Variants in KLHDC3 observed in about 807,000 individuals in gnomAD.
The protein encoded by KLHDC3 is kelch domain containing 3.
A neutral mutation model predicts 44.1 loss-of-function variants in KLHDC3; 5 were observed. The observed-to-expected ratio is 0.11, with a 90% CI of 0.06 to 0.24. The LOEUF is 0.24. Among genes scored for constraint, KLHDC3 ranks in the 10% least tolerant of loss-of-function variants. KLHDC3 has a pLI of 1.00. For synonymous variants in KLHDC3, 170 were observed against 189.0 expected (o/e 0.90, Z 0.82); for missense variants, 247 against 514.3 (o/e 0.48, Z 5.03).
In KLHDC3 at chr6:43,017,493, A is replaced by G. The variant is rs748190022; in HGVS notation, c.155-26A>G. ...GTGGACAGCCTGGAGGGAGGTTCCC[A>G]GGGCTGAGCAGAGCTGTGCCCACAG... On this transcript the variant is annotated intron_variant, in intron 2 of 10. Coordinates refer to ENST00000326974, the MANE Select transcript of KLHDC3 (RefSeq NM_057161.4). The surrounding 1 kb of genome is among the most constrained non-coding windows in gnomAD (Gnocchi z 6.0). The G allele has an allele frequency of 6.4e-7, 1 of 1,570,956 alleles. No homozygotes were observed. The highest frequency in any genetic ancestry group is 8.7e-7 in the Non-Finnish European group (1 of 1,155,116).
chr6:43,015,579 G>T (rs886747690), intron 1 of KLHDC3, among the ~76,000 whole-genome samples: 2 of 152,166 alleles, frequency 1.3e-5, no homozygotes, highest in African/African-American at 4.8e-5. Flanking sequence ...GCTGGGCATG[G>T]TGGCTCACGC....
chr6:43,017,876 C>G lies in KLHDC3; in HGVS notation c.355C>G (p.Arg119Gly). The part of the protein sequence containing the change: ...DVNTHKWFTP[R>G]VSGTVPGARD... Reference sequence around the variant, plus strand: ...AGATACGCACAAGTGGTTCACACCCCGAGTGTCAGGGACAGTTCCTGGGGC... The same window carrying G: ...AGATACGCACAAGTGGTTCACACCCGGAGTGTCAGGGACAGTTCCTGGGGC... Residue 119 changes from arginine to glycine, a missense_variant, in exon 4 of 11, where the codon CGA becomes GGA. Around this residue, in one of 2 missense-constraint regions of KLHDC3, gnomAD observed 176 missense variants for 413.5 expected, o/e 0.43. Transcript: ENST00000326974. The surrounding 1 kb of genome is among the most constrained non-coding windows in gnomAD (Gnocchi z 6.0). The G allele has an allele frequency of 6.2e-7, 1 of 1,613,892 alleles. No individual in the cohort carries two copies. Among genetic ancestry groups the G allele is most frequent in the Non-Finnish European group, 8.5e-7 (1 of 1,179,912 alleles).
intron 1 of KLHDC3, among the ~76,000 whole-genome samples, chr6:43,015,378 C>G (rs1243385018): frequency 6.6e-6 from 1 of 152,176 alleles, no homozygotes; most frequent in African/African-American, 2.4e-5. Context: ...GTTTTAGTGC[C>G]TGAGGTTTTG....
At position 43,018,002 on chromosome 6, in the gene KLHDC3, G is replaced by A. The variant is rs756012719; in HGVS notation, c.447+34G>A. ...GGGAATAAAATAAGAGGTTTAGGGT[G>A]GGACTGAGAAAGAGGGGAAGGGCAA... On this transcript the variant is annotated intron_variant, in intron 4 of 10. Coordinates refer to ENST00000326974, the MANE Select transcript of KLHDC3 (RefSeq NM_057161.4). The surrounding 1 kb of genome is among the most constrained non-coding windows in gnomAD (Gnocchi z 6.0). 2 of 1,570,602 alleles carry A rather than the reference G, an allele frequency of 1.3e-6. No individual in the cohort carries two copies. Among genetic ancestry groups the A allele is most frequent in the Admixed American group, 3.3e-5 (2 of 59,956 alleles).
rs751266474 is a variant in KLHDC3 at position 43,018,414 on chromosome 6, C to T, written c.591C>T (p.Gly197=). 6.2e-7 allele frequency: 1 copy of T among 1,614,144 alleles called. No homozygotes were observed. The highest frequency in any genetic ancestry group is 8.5e-7 in the Non-Finnish European group (1 of 1,180,030). ...MLGSHMYVFG[G]RADRFGPFHS... Reference sequence around the variant, plus strand: ...GAAGTCACATGTATGTCTTTGGGGGCCGTGCCGACCGCTTTGGGCCATTCC... The same window carrying T: ...GAAGTCACATGTATGTCTTTGGGGGTCGTGCCGACCGCTTTGGGCCATTCC... The change falls in exon 6 of 11, where the codon GGC becomes GGT. Residue 197 remains glycine (G), a synonymous_variant. Transcript: ENST00000326974. This position sits in a 1 kb window ranked among gnomAD's most constrained non-coding sequence, Gnocchi z 6.0.
chr6:43,018,870 T>C lies in KLHDC3; in HGVS notation c.828T>C (p.Phe276=). The change falls in exon 8 of 11, where the codon TTT becomes TTC. Residue 276 remains phenylalanine (F), a synonymous_variant. Transcript: ENST00000326974. This position sits in a 1 kb window ranked among gnomAD's most constrained non-coding sequence, Gnocchi z 6.0. ...ATATAAATTTCTCTTCAGTGTCCTT[T>C]ACCTGGAAAAAGATTGAACCGAAGG... ...HDLWKFNPVS[F]TWKKIEPKGK... 2 of 1,609,730 alleles carry C rather than the reference T, an allele frequency of 1.2e-6. No homozygotes were observed. The highest frequency in any genetic ancestry group is 2.2e-5 in the South Asian group (2 of 90,706).
At chr6:43,015,548 G>A (rs1204003226) in intron 1 of KLHDC3, among the ~76,000 whole-genome samples, 1 of 152,138 alleles carries the variant, frequency 6.6e-6, no homozygotes, top group African/African-American at 2.4e-5. Context: ...TTGACAGGTT[G>A]TGTTTAAGAG....
Position 43,017,245 on chromosome 6 carries a change from C to T in KLHDC3, c.53C>T (p.Ala18Val). The T allele has an allele frequency of 6.2e-7, 1 of 1,614,184 alleles. No homozygotes were observed. The highest frequency in any genetic ancestry group is 8.5e-7 in the Non-Finnish European group (1 of 1,180,018). ...GGCGGGCCCCGCAGGGTGAACCATG[C>T]TGCAGTGGCTGTCGGGCATCGGGTA... ...LEGGPRRVNH[A>V]AVAVGHRVYS... The change falls in exon 2 of 11, where the codon GCT becomes GTT. Residue 18 changes from alanine to valine, a missense_variant. Transcript: ENST00000326974. This position sits in a 1 kb window ranked among gnomAD's most constrained non-coding sequence, Gnocchi z 6.0.
chr6:43,015,018 T>C (rs1283970449), intron 1 of KLHDC3, among the ~76,000 whole-genome samples: 1 of 152,168 alleles, frequency 6.6e-6, no homozygotes, highest in Non-Finnish European at 1.5e-5. Flanking sequence ...GCAGAGAAAC[T>C]AAAATTTTTT....
At position 43,018,332 on chromosome 6, in the gene KLHDC3, C is replaced by T. The variant is rs754087367; in HGVS notation, c.520-11C>T. The T allele has an allele frequency of 5.0e-6, 8 of 1,611,762 alleles. No individual in the cohort carries two copies. The highest frequency in any genetic ancestry group is 5.1e-6 in the Non-Finnish European group (6 of 1,178,598). ...TGCTGACCCCTCCACCATCTCTCTGCCTCTGCCCAGGGCAGCCCTGCACGC... is the reference window on the plus strand; with the variant it reads ...TGCTGACCCCTCCACCATCTCTCTGTCTCTGCCCAGGGCAGCCCTGCACGC... On this transcript the variant is annotated splice_polypyrimidine_tract_variant and intron_variant, in intron 5 of 10. Transcript: ENST00000326974. The surrounding 1 kb of genome is among the most constrained non-coding windows in gnomAD (Gnocchi z 6.0).
Position 43,017,294 on chromosome 6 carries a change from T to C in KLHDC3, c.102T>C (p.Ser34=), listed in dbSNP as rs1762601288. Residue 34 remains serine (S), a synonymous_variant, in exon 2 of 11, where the codon TCT becomes TCC. Transcript: ENST00000326974. The surrounding 1 kb of genome is among the most constrained non-coding windows in gnomAD (Gnocchi z 6.0). The part of the protein sequence containing the change: ...HRVYSFGGYC[S]GEDYETLRQI... ...TATACTCCTTCGGGGGTTACTGCTC[T>C]GGTGAAGACTATGAGACACTGCGTC... 2 of 1,614,090 alleles carry C rather than the reference T, an allele frequency of 1.2e-6. No individual in the cohort carries two copies. Among genetic ancestry groups the C allele is most frequent in the Admixed American group, 3.3e-5 (2 of 60,000 alleles).
chr6:43,017,098 T>C lies in KLHDC3; in HGVS notation c.-59-36T>C. 7.0e-7 allele frequency: 1 copy of C among 1,437,402 alleles called. No homozygotes were observed. Among genetic ancestry groups the C allele is most frequent in the South Asian group, 1.3e-5 (1 of 79,100 alleles). 89.0% of individuals were successfully genotyped at this position (1,437,402 alleles called of 1,614,324 possible). On this transcript the variant is annotated intron_variant, in intron 1 of 10. Coordinates refer to ENST00000326974, the MANE Select transcript of KLHDC3 (RefSeq NM_057161.4). The surrounding 1 kb of genome is among the most constrained non-coding windows in gnomAD (Gnocchi z 6.0). ...AGTCACAGTGAGCTGGGCAGAAGCC[T>C]CGCCTGAGGATCCCGTGGCCCCAAT...
At chr6:43,015,253 T>A (rs958347357) in intron 1 of KLHDC3, among the ~76,000 whole-genome samples, 3 of 151,648 alleles carry the variant, frequency 2.0e-5, no homozygotes, top group Admixed American at 6.6e-5. Flanking sequence ...TCAGGATGGG[T>A]CCCATGGCTA....
Position 43,018,980 on chromosome 6 carries a change from G to T in KLHDC3, c.929+9G>T. The T allele has an allele frequency of 6.2e-7, 1 of 1,601,590 alleles. No individual in the cohort carries two copies. The highest frequency in any genetic ancestry group is 8.5e-7 in the Non-Finnish European group (1 of 1,170,678). ...CTCTTTGGGGGTACCAGGTTAGAAG[G>T]AGAGAGGGAAGGGGCTCAGGGAAGT... On this transcript the variant is annotated intron_variant, in intron 8 of 10. Transcript: ENST00000326974. The surrounding 1 kb of genome is among the most constrained non-coding windows in gnomAD (Gnocchi z 6.0).
In KLHDC3 at chr6:43,016,970, G is replaced by A. The variant is rs149849475; in HGVS notation, c.-59-164G>A. On this transcript the variant is annotated intron_variant, in intron 1 of 10. Transcript: ENST00000326974. ...GCTCCCTGACCTCGGCAGCTCCCTT[G>A]GGGCAGGGCCAGCCACCTGAGCTGA... The A allele has an allele frequency of 7.5e-3, 4,412 of 584,754 alleles. 25 individuals carry two copies. Among genetic ancestry groups the A allele is most frequent in the South Asian group, 0.011 (520 of 48,266 alleles). The allele number at this position is 584,754 out of a possible 1,614,324, so 36.2% of individuals were successfully genotyped here.
intron 1 of KLHDC3, among the ~76,000 whole-genome samples, chr6:43,015,418 A>G (rs1762542586): frequency 6.6e-6 from 1 of 152,156 alleles, no homozygotes. Flanking sequence ...AGGGCTTCTT[A>G]AACAGGGAGC....
Position 43,019,076 on chromosome 6 carries a change from CTT to C in KLHDC3, c.930-13_930-12del, listed in dbSNP as rs758685845. ...TAGTTTTTGTCCTACTTTCATCTCTCTTTTGATCCCGACAGTCCATCTCCTGA... is the reference window on the plus strand; with the variant it reads ...TAGTTTTTGTCCTACTTTCATCTCTCTTGATCCCGACAGTCCATCTCCTGA... On this transcript the variant is annotated splice_polypyrimidine_tract_variant and intron_variant, in intron 8 of 10. Coordinates refer to ENST00000326974, the MANE Select transcript of KLHDC3 (RefSeq NM_057161.4). The C allele has an allele frequency of 1.2e-5, 19 of 1,609,646 alleles. No individual in the cohort carries two copies. In the Admixed American group the frequency reaches 3.2e-4, roughly 27 times the overall value.
Position 43,018,136 on chromosome 6 carries a change from C to T in KLHDC3, c.448-9C>T, listed in dbSNP as rs368179384. Reference sequence around the variant, plus strand: ...CCTCTTTTCTTCCTCCTTTTCTCTTCCTACTCAGGCGGACTGTTTTTCCAA... The same window carrying T: ...CCTCTTTTCTTCCTCCTTTTCTCTTTCTACTCAGGCGGACTGTTTTTCCAA... On this transcript the variant is annotated splice_polypyrimidine_tract_variant and intron_variant, in intron 4 of 10. Transcript: ENST00000326974. This position sits in a 1 kb window ranked among gnomAD's most constrained non-coding sequence, Gnocchi z 6.0. 5 of 1,597,664 alleles carry T rather than the reference C, an allele frequency of 3.1e-6. No homozygotes were observed. In the African/African-American group the frequency reaches 6.7e-5, roughly 21 times the overall value.
intron 1 of KLHDC3, chr6:43,014,631 G>A: frequency 2.2e-6 from 1 of 456,600 alleles, no homozygotes; most frequent in South Asian, 1.5e-5. Context: ...AAGGGGAGGG[G>A]TGTCTGGCGT....
Sources: gnomAD v4.1 joint callset for allele counts (sites outside exome capture counted in the v4.1 genomes callset) on GRCh38, gnomAD v4.1.1 for gene constraint, gnomAD v4.1.1 regional missense constraint, Gnocchi (gnomAD v3.1) non-coding constraint, MANE v1.5 for transcripts, NCBI Gene and HGNC (gene_info 2026-07-23, HGNC 2026-07-21) for gene names.